CAAP1: variants seen among roughly 807,000 people sequenced by gnomAD.
CAAP1 encodes caspase activity and apoptosis inhibitor 1, also known as conserved anti-apoptotic protein.
In CAAP1, 20 loss-of-function variants were observed where a neutral mutation model predicts 34.0. The observed-to-expected ratio is 0.59, with a 90% CI of 0.41 to 0.86. The LOEUF (loss-of-function observed/expected upper bound fraction) is 0.86. Ranked by LOEUF, CAAP1 falls within the 40% of genes least tolerant of loss-of-function variation. The pLI, the probability that CAAP1 is intolerant of heterozygous loss-of-function variation, is 0.00. For missense variants in CAAP1, 538 were observed against 450.5 expected (o/e 1.19, Z -1.76); for synonymous variants, 213 against 166.7 (o/e 1.28, Z -2.14).
At chr9:26,865,797 A>G (rs1823121857) in intron 4 of CAAP1, among the ~76,000 whole-genome samples, 1 of 152,186 alleles carries the variant, frequency 6.6e-6, no homozygotes, top group Non-Finnish European at 1.5e-5. Context: ...AGAAAAACTG[A>G]GGCCTAGGAA....
rs990896228 is a variant in CAAP1 at position 26,860,963 on chromosome 9, T to C, written c.739+103A>G. On this transcript the variant is annotated intron_variant, in intron 5 of 5. Coordinates refer to ENST00000333916, the MANE Select transcript of CAAP1 (RefSeq NM_024828.4). ...GACCAAATAAATTGCTCTCTTCCTC[T>C]ATCTGTAAAATGGGGTGAGTTAGAC... is the stretch of plus-strand genomic sequence containing the variant. The C allele has an allele frequency of 5.0e-6, 4 of 804,102 alleles. No homozygotes were observed. The African/African-American group carries it at 5.2e-5, about 10-fold the overall frequency. The allele number at this position is 804,102 out of a possible 1,614,324, so 49.8% of individuals were successfully genotyped here.
intron 4 of CAAP1, among the ~76,000 whole-genome samples, chr9:26,883,459 A>T (rs1237198895): frequency 1.3e-5 from 2 of 152,086 alleles, no homozygotes; most frequent in African/African-American, 4.8e-5. Context: ...CTTATAAATT[A>T]CCCAGTCTTG....
chr9:26,846,688 TTTC>T (rs1412314535), intron 5 of CAAP1, among the ~76,000 whole-genome samples: 2 of 151,960 alleles, frequency 1.3e-5, no homozygotes, highest in Non-Finnish European at 2.9e-5. Flanking sequence ...AAAATTAATT[TTTC>T]TTCTTTTTTT....
intron 5 of CAAP1, among the ~76,000 whole-genome samples, chr9:26,847,937 A>T (rs907603654): frequency 6.6e-6 from 1 of 152,082 alleles, no homozygotes; most frequent in Non-Finnish European, 1.5e-5. Flanking sequence ...GTAGATACGT[A>T]TGTTCAATTT....
intron 5 of CAAP1, among the ~76,000 whole-genome samples, chr9:26,854,483 C>T (rs746123048): frequency 1.4e-5 from 2 of 140,152 alleles, no homozygotes; most frequent in Non-Finnish European, 2.9e-5. Context: ...CTGGGTTCAG[C>T]TGAATGTATC....
chr9:26,861,041 C>T, intron 5 of CAAP1, 25 bp downstream of exon 5: 2 of 1,523,464 alleles, frequency 1.3e-6, no homozygotes, highest in Non-Finnish European at 1.8e-6. Flanking sequence ...AAATTTTATA[C>T]AATAATCAAG....
chr9:26,892,207 C>A, intron 1 of CAAP1: 1 of 1,370,694 alleles, frequency 7.3e-7, no homozygotes. Context: ...ATCAGGAAAT[C>A]CAGAAACTTG....
In CAAP1 at chr9:26,892,566, C is replaced by G. The variant is rs1423314589; in HGVS notation, c.150G>C (p.Gly50=). The change falls in exon 1 of 6, where the codon GGG becomes GGC. Residue 50 remains glycine (G), a synonymous_variant. Coordinates refer to ENST00000333916, the MANE Select transcript of CAAP1 (RefSeq NM_024828.4). ...TSGCGSAGGC[G]SVSCCGNANF... ...TGGCGTTCCCACAGCAGCTGACGCT[C>G]CCGCAGCCCCCGGCGCTCCCGCAGC... The G allele has an allele frequency of 6.3e-7, 1 of 1,589,400 alleles. No individual in the cohort carries two copies. The highest frequency in any genetic ancestry group is 2.3e-5 in the East Asian group (1 of 43,578).
At chr9:26,849,248 A>G (rs548026503) in intron 5 of CAAP1, among the ~76,000 whole-genome samples, 6 of 152,316 alleles carry the variant, frequency 3.9e-5, no homozygotes, top group Non-Finnish European at 7.3e-5. Flanking sequence ...TTGTCTTCCT[A>G]TAACTATTGC....
intron 5 of CAAP1, among the ~76,000 whole-genome samples, chr9:26,845,490 G>A (rs891841606): frequency 2.6e-5 from 4 of 152,020 alleles, no homozygotes; most frequent in East Asian, 1.9e-4. Context: ...ATTCTCCTGC[G>A]TCAGCCTTCT....
rs1207344260 is a variant in CAAP1 at position 26,861,226 on chromosome 9, C to CTA, written c.666-89_666-88dup. The CTA allele has an allele frequency of 1.3e-5, 12 of 890,034 alleles. No homozygotes were observed. In the Admixed American group the frequency reaches 1.8e-4, roughly 13 times the overall value. The allele number at this position is 890,034 out of a possible 1,614,324, so 55.1% of individuals were successfully genotyped here. A position where few individuals can be genotyped will look rare whatever the true frequency, so the allele number is the denominator to read the frequency against. On this transcript the variant is annotated intron_variant, in intron 4 of 5. Coordinates refer to ENST00000333916, the MANE Select transcript of CAAP1 (RefSeq NM_024828.4). ...CAGGTTCCCAGAATTAAGTTAGGCA[C>CTA]TAGGGAAGACAGGCTACATTCTTCT...
At chr9:26,889,747 T>A (rs562646612) in intron 1 of CAAP1, among the ~76,000 whole-genome samples, 16 of 149,798 alleles carry the variant, frequency 1.1e-4, no homozygotes, top group African/African-American at 3.4e-4. Context: ...AGAGGCCTGT[T>A]GCCCCAGCTA....
intron 4 of CAAP1, among the ~76,000 whole-genome samples, chr9:26,864,720 A>G (rs1823090110): frequency 6.6e-6 from 1 of 152,200 alleles, no homozygotes; most frequent in Non-Finnish European, 1.5e-5. Flanking sequence ...TCTTTGCTCT[A>G]TCCCCATATT....
intron 5 of CAAP1, among the ~76,000 whole-genome samples, chr9:26,847,308 G>A (rs1442850176): frequency 4.7e-5 from 6 of 127,252 alleles, no homozygotes; most frequent in East Asian, 2.5e-4. Context: ...TCCACCTCCC[G>A]GGTTCACGCC....
Position 26,840,712 on chromosome 9 carries a change from T to C in CAAP1, c.*1589A>G, listed in dbSNP as rs1243615419. The C allele has an allele frequency of 2.6e-5, 4 of 152,218 alleles. No individual in the cohort carries two copies. The highest frequency in any genetic ancestry group is 7.2e-5 in the African/African-American group (3 of 41,458). The allele number at this position is 152,218 out of a possible 1,614,324, so 9.4% of individuals were successfully genotyped here. On this transcript the variant is annotated 3_prime_UTR_variant, in exon 6 of 6. Coordinates refer to ENST00000333916, the MANE Select transcript of CAAP1 (RefSeq NM_024828.4). ...CATGAAGGTGGAGACTTTAATCATC[T>C]ACAAAGCCCTCAGACCTGTTTTACT...
intron 5 of CAAP1, among the ~76,000 whole-genome samples, chr9:26,845,950 A>G (rs964114358): frequency 3.3e-5 from 5 of 151,946 alleles, no homozygotes; most frequent in African/African-American, 1.2e-4. Flanking sequence ...TTTCTTTGAT[A>G]TAAAATGGAT....
At chr9:26,870,023 G>T in intron 4 of CAAP1, 168 of 508,860 alleles carry the variant, frequency 3.3e-4, no homozygotes, top group Middle Eastern at 2.2e-3. Flanking sequence ...TTAGGTTTCT[G>T]TAATAGAAAG....
chr9:26,888,046 C>G (rs560204974), intron 1 of CAAP1, among the ~76,000 whole-genome samples: 2 of 152,178 alleles, frequency 1.3e-5, no homozygotes, highest in East Asian at 3.9e-4. Flanking sequence ...TGTCTCCCAA[C>G]TCTATCCAGT....
intron 4 of CAAP1, among the ~76,000 whole-genome samples, chr9:26,879,838 T>C (rs1037505282): frequency 3.3e-5 from 5 of 152,212 alleles, no homozygotes; most frequent in Non-Finnish European, 7.3e-5. Flanking sequence ...AGGACTGCAC[T>C]GTCGGCTTCC....
Sources: allele counts gnomAD v4.1 joint callset (sites outside exome capture counted in the v4.1 genomes callset), GRCh38; gene constraint gnomAD v4.1.1; transcripts MANE v1.5; gene names NCBI Gene and HGNC (gene_info 2026-07-23, HGNC 2026-07-21).